The following CSMD1 variants were observed in gnomAD, a reference collection of about 807,000 sequenced individuals.
CSMD1 encodes CUB and sushi domain-containing protein 1.
Under a neutral mutation model 417.5 loss-of-function variants are expected in CSMD1, and 213 were observed. The observed-to-expected ratio is 0.51, with a 90% CI of 0.46 to 0.57. The LOEUF is 0.57. CSMD1 is among the 20% of genes least tolerant of loss of function. The pLI, the probability that CSMD1 is intolerant of heterozygous loss-of-function variation, is 0.00. For missense variants in CSMD1, 6,923 were observed against 4,529.7 expected (o/e 1.53, Z -15.17); for synonymous variants, 2,862 against 1,736.8 (o/e 1.65, Z -16.11).
chr8:3,260,684 C>T (rs1317861066), intron 26 of CSMD1, among the ~76,000 whole-genome samples: 2 of 151,944 alleles, frequency 1.3e-5, no homozygotes, highest in South Asian at 4.2e-4. Context: ...ATACGTGGTT[C>T]TTGAGTATTA....
At chr8:3,473,779 TGAAGATATTATCCAAGACCTA>T (rs1262445196) in intron 11 of CSMD1, among the ~76,000 whole-genome samples, 6 of 152,128 alleles carry the variant, frequency 3.9e-5, no homozygotes, top group Non-Finnish European at 8.8e-5. Flanking sequence ...CACACTGCTA[TGAAGATATTATCCAAGACCTA>T]GAGACTGGGT....
chr8:3,954,060 C>A (rs954270784), intron 5 of CSMD1, among the ~76,000 whole-genome samples: 1 of 152,152 alleles, frequency 6.6e-6, no homozygotes, highest in African/African-American at 2.4e-5. Context: ...GCTCCTGTCC[C>A]CGGGACCCCG....
chr8:4,190,562 AAG>A (rs932646940), intron 3 of CSMD1, among the ~76,000 whole-genome samples: 3 of 151,738 alleles, frequency 2.0e-5, no homozygotes, highest in Non-Finnish European at 2.9e-5. Context: ...TTTTAACTGA[AAG>A]AGACTCTGAT....
chr8:3,695,379 C>A (rs1800493796), intron 7 of CSMD1, among the ~76,000 whole-genome samples: 1 of 151,730 alleles, frequency 6.6e-6, no homozygotes, highest in South Asian at 2.1e-4. Context: ...AATGACTCAA[C>A]GTGTCCTGTA....
chr8:3,460,805 G>A (rs1816452292), intron 12 of CSMD1, among the ~76,000 whole-genome samples: 1 of 152,180 alleles, frequency 6.6e-6, no homozygotes, highest in South Asian at 2.1e-4. Flanking sequence ...AGACAATGAT[G>A]CCGCACTCTG....
rs557895519 is a variant in CSMD1, at chr8:2,972,989, C to T, written c.8923+128G>A. ...TCTGATGATGCTTCCACAAATATTG[C>T]GGGGAAAAGATTTAATTGTATAAAT... On this transcript the variant is annotated intron_variant, in intron 57 of 69. Coordinates refer to ENST00000635120, the MANE Select transcript of CSMD1 (RefSeq NM_033225.6). 5.2e-5 allele frequency: 46 copies of T among 890,814 alleles called. 1 individual carries two copies. In the East Asian group the frequency reaches 6.6e-4, roughly 13 times the overall value. The allele number at this position is 890,814 out of a possible 1,614,324, so 55.2% of individuals were successfully genotyped here.
chr8:3,839,289 T>C (rs1802940972), intron 5 of CSMD1, among the ~76,000 whole-genome samples: 1 of 124,302 alleles, frequency 8.0e-6, no homozygotes, highest in African/African-American at 3.0e-5. Context: ...TAATATTAAT[T>C]ATATATACTA....
intron 3 of CSMD1, among the ~76,000 whole-genome samples, chr8:4,383,785 T>G (rs6989044): frequency 0.031 from 4,696 of 152,254 alleles, 224 homozygotes; most frequent in African/African-American, 0.099. Flanking sequence ...TTTTTTCAAG[T>G]GTCAAATGCT....
At chr8:4,227,020 C>T (rs953891377) in intron 3 of CSMD1, among the ~76,000 whole-genome samples, 11 of 152,242 alleles carry the variant, frequency 7.2e-5, no homozygotes, top group South Asian at 4.2e-4. Context: ...ATTATCTCTG[C>T]AGGTGAGATG....
chr8:4,040,843 T>C (rs1233176659), intron 3 of CSMD1, among the ~76,000 whole-genome samples: 2 of 151,978 alleles, frequency 1.3e-5, no homozygotes, highest in African/African-American at 4.8e-5. Context: ...CTCCGGACAA[T>C]CGAAAAAATA....
intron 3 of CSMD1, among the ~76,000 whole-genome samples, chr8:4,385,690 G>A (rs1005415794): frequency 6.6e-6 from 1 of 152,128 alleles, no homozygotes; most frequent in Non-Finnish European, 1.5e-5. Context: ...GCTAAAAATA[G>A]TAATATAGTA....
intron 15 of CSMD1, 96 bp from the exon 16 acceptor site, chr8:3,399,625 A>C: frequency 1.1e-6 from 1 of 878,362 alleles, no homozygotes; most frequent in Middle Eastern, 2.6e-4. Context: ...TTCTGTGTTC[A>C]TAGACTGAAT....
intron 2 of CSMD1, among the ~76,000 whole-genome samples, chr8:4,582,983 C>T (rs377597955): frequency 4.6e-4 from 70 of 152,320 alleles, no homozygotes; most frequent in Admixed American, 2.2e-3. Flanking sequence ...CCAGTGGCTG[C>T]GGACGGTGTA....
chr8:4,246,812 T>C (rs1802742944), intron 3 of CSMD1, among the ~76,000 whole-genome samples: 1 of 152,188 alleles, frequency 6.6e-6, no homozygotes, highest in African/African-American at 2.4e-5. Context: ...GTATAGGACA[T>C]TTGACTTGTA....
At position 2,998,421 on chromosome 8, in the gene CSMD1, G is replaced by A. The variant is rs1354153464; in HGVS notation, c.8204-237C>T. Among the ~76,000 whole-genome samples the A allele has an allele frequency of 5.9e-5, 9 of 152,064 alleles. No homozygotes were observed. In the East Asian group the frequency reaches 7.7e-4, roughly 13 times the overall value. ...AAAATAACAAACACCTGCCAAACAC[G>A]CTTTCTTTACCATCATAATTATTAT... is the stretch of plus-strand genomic sequence containing the variant. On this transcript the variant is annotated intron_variant, in intron 53 of 69. Transcript: ENST00000635120.
chr8:4,189,003 G>A (rs1798857083), intron 3 of CSMD1, among the ~76,000 whole-genome samples: 1 of 152,158 alleles, frequency 6.6e-6, no homozygotes, highest in Non-Finnish European at 1.5e-5. Flanking sequence ...GATGTAAACA[G>A]AAATACACGG....
chr8:4,257,478 T>A (rs897116407), intron 3 of CSMD1, among the ~76,000 whole-genome samples: 1 of 152,240 alleles, frequency 6.6e-6, no homozygotes. Flanking sequence ...TAAGAATGCA[T>A]ATATTTCTAT....
intron 6 of CSMD1, among the ~76,000 whole-genome samples, chr8:3,741,069 G>C (rs1796776502): frequency 1.3e-5 from 2 of 152,014 alleles, no homozygotes; most frequent in Non-Finnish European, 2.9e-5. Context: ...ACAAAAATTA[G>C]CCAGGTGTGG....
Position 3,545,678 on chromosome 8 carries a change from A to G in CSMD1, c.1344+29267T>C, listed in dbSNP as rs542694089. Reference sequence around the variant, plus strand: ...ACAACTTACAGACACTGCCTTTGGCAAAATTGAGGACACTTAACTGCGAAT... The same window carrying G: ...ACAACTTACAGACACTGCCTTTGGCGAAATTGAGGACACTTAACTGCGAAT... On this transcript the variant is annotated intron_variant, in intron 10 of 69. Transcript: ENST00000635120. Among the ~76,000 whole-genome samples, 4 of 152,342 alleles carry G rather than the reference A, an allele frequency of 2.6e-5. No homozygotes were observed. The East Asian group carries it at 7.7e-4, about 29-fold the overall frequency.
Sources: gnomAD v4.1 joint callset for allele counts (sites outside exome capture counted in the v4.1 genomes callset) on GRCh38, gnomAD v4.1.1 for gene constraint, MANE v1.5 for transcripts, NCBI Gene and HGNC (gene_info 2026-07-23, HGNC 2026-07-21) for gene names.